Variants in PRTG observed in about 807,000 individuals in gnomAD.
PRTG encodes protogenin, also known as immunoglobulin superfamily, DCC subclass, member 5.
Under a neutral mutation model 122.5 loss-of-function variants are expected in PRTG, and 67 were observed. The ratio of observed to expected loss-of-function variants is 0.55; its 90% CI spans 0.45 to 0.67. PRTG has a LOEUF of 0.67. PRTG is among the 30% of genes least tolerant of loss of function. The pLI is 0.00. For missense variants in PRTG, 1,435 were observed against 1,415.4 expected (o/e 1.01, Z -0.22); for synonymous variants, 554 against 501.1 (o/e 1.11, Z -1.41).
rs878904643 is a variant in PRTG, at chr15:55,617,514, G to T, written c.*2498C>A. ...AATGCTTCTAGTTAATTCAATTTGG[G>T]GGGAATTATAATCAAAATTTTATTT... is the stretch of plus-strand genomic sequence containing the variant. On this transcript the variant is annotated 3_prime_UTR_variant, in exon 20 of 20. Transcript: ENST00000389286. The T allele has an allele frequency of 1.3e-5, 2 of 151,900 alleles. No homozygotes were observed. The highest frequency in any genetic ancestry group is 4.2e-4 in the South Asian group (2 of 4,802). The allele number at this position is 151,900 out of a possible 1,614,324, so 9.4% of individuals were successfully genotyped here. A position where few individuals can be genotyped will look rare whatever the true frequency, so the allele number is the denominator to read the frequency against.
At chr15:55,706,484 G>A (rs1022228103) in intron 2 of PRTG, among the ~76,000 whole-genome samples, 1 of 151,154 alleles carries the variant, frequency 6.6e-6, no homozygotes, top group African/African-American at 2.4e-5. Flanking sequence ...CGGGCACAGT[G>A]GCTCATGACT....
intron 2 of PRTG, among the ~76,000 whole-genome samples, chr15:55,686,999 C>T (rs1290713919): frequency 6.6e-6 from 1 of 152,210 alleles, no homozygotes; most frequent in African/African-American, 2.4e-5. Flanking sequence ...ATTTACAAGT[C>T]TTCCTCCGCT....
rs1417916546 is a variant in PRTG at position 55,692,875 on chromosome 15, C to CT, written c.398-8945dup. Among the ~76,000 whole-genome samples the CT allele has an allele frequency of 4.2e-5, 5 of 119,302 alleles. No individual in the cohort carries two copies. The South Asian group carries it at 8.8e-4, about 21-fold the overall frequency. The allele number at this position is 119,302 out of a possible 152,430, so 78.3% of individuals were successfully genotyped here. ...TTTTTTTTTGAGATGGAGGCTCACT[C>CT]TGTTGCCCAGGCCGGAGTGCAGTCG... On this transcript the variant is annotated intron_variant, in intron 2 of 19. Coordinates refer to ENST00000389286, the MANE Select transcript of PRTG (RefSeq NM_173814.6).
chr15:55,663,563 C>A (rs2059421382), intron 11 of PRTG, among the ~76,000 whole-genome samples: 1 of 149,634 alleles, frequency 6.7e-6, no homozygotes. Flanking sequence ...GGTAGGGAGA[C>A]AAAGTTTCGC....
chr15:55,694,850 T>A (rs1043019537), intron 2 of PRTG, among the ~76,000 whole-genome samples: 1 of 152,200 alleles, frequency 6.6e-6, no homozygotes, highest in Non-Finnish European at 1.5e-5. Context: ...CAGTTAGGTA[T>A]GATTTTACAA....
chr15:55,694,848 T>A (rs947171687), intron 2 of PRTG, among the ~76,000 whole-genome samples: 1 of 152,194 alleles, frequency 6.6e-6, no homozygotes, highest in Middle Eastern at 3.2e-3. Context: ...GCCAGTTAGG[T>A]ATGATTTTAC....
rs948126871 is a variant in PRTG at position 55,622,638 on chromosome 15, G to A, written c.3093+1704C>T. ...GATCTCCTGACCTCGTGATCCGCCC[G>A]CCTTGGTCTCCCAAAGCGCTGGGAT... On this transcript the variant is annotated intron_variant, in intron 18 of 19. Coordinates refer to ENST00000389286, the MANE Select transcript of PRTG (RefSeq NM_173814.6). 4.0e-5 allele frequency among the ~76,000 whole-genome samples: 6 copies of A among 151,342 alleles called. No homozygotes were observed. The East Asian group carries it at 7.8e-4, about 20-fold the overall frequency.
At chr15:55,673,799 C>T in intron 9 of PRTG, 123 bp from the exon 10 acceptor site, 1 of 711,742 alleles carries the variant, frequency 1.4e-6, no homozygotes, top group South Asian at 1.9e-5. Flanking sequence ...TCAGCCCTAG[C>T]AGAGGTTTTC....
intron 2 of PRTG, among the ~76,000 whole-genome samples, chr15:55,692,835 CTTTTTTTTTTTTT>C (rs774248341): frequency 4.0e-5 from 3 of 74,952 alleles, no homozygotes; most frequent in African/African-American, 5.0e-5. Context: ...AATGCAATCT[CTTTTTTTTTTTTT>C]TTTTTTTTTT....
At chr15:55,626,920 C>G in intron 17 of PRTG, 88 bp downstream of exon 17, 1 of 1,262,268 alleles carries the variant, frequency 7.9e-7, no homozygotes, top group South Asian at 1.6e-5. Flanking sequence ...CCCAGTTACT[C>G]TAAAAGGCAC....
intron 17 of PRTG, among the ~76,000 whole-genome samples, chr15:55,624,750 G>A (rs2059185679): frequency 6.6e-6 from 1 of 152,004 alleles, no homozygotes; most frequent in Non-Finnish European, 1.5e-5. Flanking sequence ...TACAAGTATT[G>A]TTGCTTATTC....
intron 2 of PRTG, among the ~76,000 whole-genome samples, chr15:55,739,087 CT>C (rs1295904628): frequency 6.6e-6 from 1 of 151,996 alleles, no homozygotes; most frequent in Non-Finnish European, 1.5e-5. Flanking sequence ...AATATCTTTG[CT>C]TGCAATTTAT....
intron 2 of PRTG, among the ~76,000 whole-genome samples, chr15:55,708,966 G>A (rs1260153180): frequency 6.6e-6 from 1 of 151,790 alleles, no homozygotes; most frequent in Non-Finnish European, 1.5e-5. Flanking sequence ...TCAACATGGT[G>A]AAAAGCCGTC....
chr15:55,702,239 C>T (rs150411894), intron 2 of PRTG, among the ~76,000 whole-genome samples: 198 of 152,340 alleles, frequency 1.3e-3, no homozygotes, highest in East Asian at 7.7e-3. Context: ...AGACTATCTT[C>T]ACCTCTTCTA....
Position 55,619,841 on chromosome 15 carries a change from G to A in PRTG, c.*171C>T. 1.8e-6 allele frequency: 2 copies of A among 1,100,454 alleles called. No individual in the cohort carries two copies. Among genetic ancestry groups the A allele is most frequent in the African/African-American group, 3.2e-5 (2 of 63,418 alleles). The allele number at this position is 1,100,454 out of a possible 1,614,324, so 68.2% of individuals were successfully genotyped here. On this transcript the variant is annotated 3_prime_UTR_variant, in exon 20 of 20. Transcript: ENST00000389286. Reference sequence around the variant, plus strand: ...GTCCTTCGAACAGATTTAATGGTGAGAATACCTGAGCATGGCCGTCTAGAT... The same window carrying A: ...GTCCTTCGAACAGATTTAATGGTGAAAATACCTGAGCATGGCCGTCTAGAT...
At chr15:55,646,301 T>C (rs1177416660) in intron 11 of PRTG, among the ~76,000 whole-genome samples, 2 of 150,162 alleles carry the variant, frequency 1.3e-5, no homozygotes, top group Admixed American at 6.6e-5. Context: ...CATGAGCCAC[T>C]GTGCCCAGCC....
intron 2 of PRTG, among the ~76,000 whole-genome samples, chr15:55,724,211 C>T (rs904912070): frequency 2.0e-5 from 3 of 151,962 alleles, no homozygotes; most frequent in Non-Finnish European, 2.9e-5. Flanking sequence ...TATGTCTGTT[C>T]GATCTGTTAT....
At chr15:55,720,713 C>T (rs75728256) in intron 2 of PRTG, among the ~76,000 whole-genome samples, 1,604 of 152,304 alleles carry the variant, frequency 0.011, 20 homozygotes, top group East Asian at 0.012. Flanking sequence ...TCAGCAGTGT[C>T]CTTCTTTTGG....
chr15:55,715,148 C>G (rs763026643), intron 2 of PRTG, among the ~76,000 whole-genome samples: 16 of 152,150 alleles, frequency 1.1e-4, no homozygotes, highest in Non-Finnish European at 2.1e-4. Context: ...TTAATTAAGG[C>G]TACAATGACA....
Sources: allele counts gnomAD v4.1 joint callset (sites outside exome capture counted in the v4.1 genomes callset), GRCh38; gene constraint gnomAD v4.1.1; transcripts MANE v1.5; gene names NCBI Gene and HGNC (gene_info 2026-07-23, HGNC 2026-07-21).